Variants in SPATA7 observed in about 807,000 individuals in gnomAD.
The protein encoded by SPATA7 is spermatogenesis associated 7.
Under a neutral mutation model 51.8 loss-of-function variants are expected in SPATA7, and 43 were observed. That is an observed-to-expected ratio of 0.83 (90% CI 0.65 to 1.07). SPATA7 has a LOEUF of 1.07. Among genes scored for constraint, SPATA7 ranks in the 50% least tolerant of loss-of-function variants. The pLI is 0.00. For synonymous variants in SPATA7, 230 were observed against 252.8 expected, an observed-to-expected ratio of 0.91 and a Z score of 0.86; for missense variants, 683 against 701.3, an observed-to-expected ratio of 0.97 and a Z score of 0.30.
chr14:88,399,588 AT>A (rs1427182376), intron 4 of SPATA7, among the ~76,000 whole-genome samples: 3 of 152,016 alleles, frequency 2.0e-5, no homozygotes, highest in Non-Finnish European at 2.9e-5. Context: ...TGTGCTTTAC[AT>A]TTTTTTCTTC....
intron 4 of SPATA7, among the ~76,000 whole-genome samples, chr14:88,402,592 T>C (rs569878367): frequency 1.3e-5 from 2 of 152,228 alleles, no homozygotes; most frequent in East Asian, 3.9e-4. Flanking sequence ...GATAGTCCCA[T>C]GCAGAAGGAT....
At chr14:88,410,432 C>G (rs1004858273) in intron 4 of SPATA7, among the ~76,000 whole-genome samples, 6 of 151,626 alleles carry the variant, frequency 4.0e-5, no homozygotes, top group African/African-American at 9.7e-5. Flanking sequence ...TTTTTGTTCC[C>G]TTGCTGGTGA....
chr14:88,447,881 A>T (rs1184887216), intron 3 of SPATA7, among the ~76,000 whole-genome samples: 2,374 of 152,012 alleles, frequency 0.016, 58 homozygotes, highest in African/African-American at 0.054. Flanking sequence ...TTTCCCTTTG[A>T]GGGTAACCCG....
intron 10 of SPATA7, among the ~76,000 whole-genome samples, chr14:88,434,496 C>A (rs1158778043): frequency 1.3e-5 from 2 of 152,008 alleles, no homozygotes; most frequent in African/African-American, 2.4e-5. Context: ...ACCAGCCTGG[C>A]CAATATGGTG....
intron 3 of SPATA7, among the ~76,000 whole-genome samples, chr14:88,448,325 T>TTCAGCTCCA (rs1396698325): frequency 6.6e-6 from 1 of 152,248 alleles, no homozygotes; most frequent in Non-Finnish European, 1.5e-5. Flanking sequence ...AGCCTTGGTT[T>TTCAGCTCCA]TCAGCTCCAT....
At chr14:88,410,358 T>C (rs1048540418) in intron 4 of SPATA7, among the ~76,000 whole-genome samples, 1 of 151,700 alleles carries the variant, frequency 6.6e-6, no homozygotes, top group Admixed American at 6.6e-5. Flanking sequence ...CTTCTTTGTC[T>C]TTTTTTTATC....
At chr14:88,390,581 A>G (rs555899619) in intron 1 of SPATA7, among the ~76,000 whole-genome samples, 1 of 152,280 alleles carries the variant, frequency 6.6e-6, no homozygotes, top group Non-Finnish European at 1.5e-5. Flanking sequence ...CTGTCAACAC[A>G]GCTGTCCACA....
chr14:88,431,517 G>A (rs573072531), intron 9 of SPATA7, among the ~76,000 whole-genome samples: 14 of 152,122 alleles, frequency 9.2e-5, no homozygotes, highest in African/African-American at 3.4e-4. Flanking sequence ...TGTTAACCAT[G>A]GTAGTCATCC....
At chr14:88,402,662 G>A (rs767381208) in intron 4 of SPATA7, among the ~76,000 whole-genome samples, 1 of 151,946 alleles carries the variant, frequency 6.6e-6, no homozygotes, top group Non-Finnish European at 1.5e-5. Flanking sequence ...GCTCAAAATG[G>A]ATTTAAAAAC....
rs763165492 is a variant in SPATA7, at chr14:88,393,458, G to A, written c.160G>A (p.Val54Ile). The change falls in exon 3 of 12, where the codon GTT (valine) becomes ATT (isoleucine). Residue 54 changes from valine to isoleucine, a missense_variant. Val to Ile is a conservative substitution (Grantham distance 29). Transcript: ENST00000393545. ...CCAGCTGGTCAAGAATCACATGGCTGTTCACTATAATAAAATCCTTTCAGC... is the reference window on the plus strand; with the variant it reads ...CCAGCTGGTCAAGAATCACATGGCTATTCACTATAATAAAATCCTTTCAGC... The part of the protein sequence containing the change: ...TLQLVKNHMA[V>I]HYNKILSAKA... 6 of 1,604,192 alleles carry A rather than the reference G, an allele frequency of 3.7e-6. No homozygotes were observed. The highest frequency in any genetic ancestry group is 1.7e-5 in the Admixed American group (1 of 59,168).
intron 4 of SPATA7, chr14:88,416,484 T>A: frequency 2.8e-6 from 1 of 359,970 alleles, no homozygotes; most frequent in Non-Finnish European, 5.0e-6. Context: ...AGTTAATCCA[T>A]TTAGAATTTC....
chr14:88,412,944 T>G (rs1406117886), intron 4 of SPATA7, among the ~76,000 whole-genome samples: 1 of 152,202 alleles, frequency 6.6e-6, no homozygotes, highest in Non-Finnish European at 1.5e-5. Context: ...GGTCTTACAT[T>G]TAAATCTTTA....
chr14:88,428,973 T>C (rs1301146698), intron 7 of SPATA7: 1 of 215,124 alleles, frequency 4.6e-6, no homozygotes, highest in Non-Finnish European at 9.4e-6. Flanking sequence ...TACCACTGCT[T>C]CTACATATTT....
chr14:88,440,119 C>T (rs2077168184), downstream of SPATA7, among the ~76,000 whole-genome samples: 1 of 152,140 alleles, frequency 6.6e-6, no homozygotes, highest in African/African-American at 2.4e-5. Context: ...TTCACAAACC[C>T]CCTCTTCCCA....
At chr14:88,431,615 C>A (rs898881822) in intron 9 of SPATA7, among the ~76,000 whole-genome samples, 5 of 152,108 alleles carry the variant, frequency 3.3e-5, no homozygotes, top group African/African-American at 7.2e-5. Context: ...CCCTCATTCC[C>A]GTCTACCCTT....
chr14:88,433,124 T>G lies in SPATA7; in HGVS notation c.1083-11T>G, dbSNP rs756573061. On this transcript the variant is annotated splice_polypyrimidine_tract_variant and intron_variant, in intron 9 of 11. Transcript: ENST00000393545. ...ATAATTTTTATGCTATATATTGCCT[T>G]CCTTTTACAGTGAAGAAGAACTGTT... The G allele has an allele frequency of 3.1e-6, 5 of 1,607,162 alleles. No individual in the cohort carries two copies. Among genetic ancestry groups the G allele is most frequent in the East Asian group, 2.2e-5 (1 of 44,614 alleles).
chr14:88,427,489 T>A, intron 6 of SPATA7, 141 bp from the exon 7 acceptor site: 1 of 612,852 alleles, frequency 1.6e-6, no homozygotes, highest in Non-Finnish European at 2.9e-6. Flanking sequence ...TCAAATAAAA[T>A]CAAATAATTC....
intron 3 of SPATA7, among the ~76,000 whole-genome samples, chr14:88,395,259 A>T (rs978310645): frequency 2.6e-5 from 4 of 151,964 alleles, no homozygotes; most frequent in African/African-American, 9.7e-5. Flanking sequence ...ACCTTATTTG[A>T]ATTTCACCAA....
At position 88,393,383 on chromosome 14, in the gene SPATA7, T is replaced by A. The variant is rs2075794267; in HGVS notation, c.95-10T>A. 6.5e-7 allele frequency: 1 copy of A among 1,549,688 alleles called. No individual in the cohort carries two copies. Among genetic ancestry groups the A allele is most frequent in the Non-Finnish European group, 8.8e-7 (1 of 1,139,372 alleles). On this transcript the variant is annotated splice_polypyrimidine_tract_variant and intron_variant, in intron 2 of 11. Transcript: ENST00000393545. ...TTTTAAATATATAATGATTATGTTT[T>A]AATTTTTAGCTTTTTGCACTGACTC...
Sources: gnomAD v4.1 joint callset for allele counts (sites outside exome capture counted in the v4.1 genomes callset) on GRCh38, gnomAD v4.1.1 for gene constraint, MANE v1.5 for transcripts, NCBI Gene and HGNC (gene_info 2026-07-23, HGNC 2026-07-21) for gene names.